Variants in TLK2 observed in about 807,000 individuals in gnomAD.
TLK2 encodes serine/threonine-protein kinase tousled-like 2.
Under a neutral mutation model 117.3 loss-of-function variants are expected in TLK2, and 6 were observed. The observed-to-expected ratio is 0.05, with a 90% CI of 0.03 to 0.10. The LOEUF (loss-of-function observed/expected upper bound fraction) is 0.10. Among genes scored for constraint, TLK2 ranks in the 10% least tolerant of loss-of-function variants. The probability of loss-of-function intolerance (pLI) is 1.00; values close to 1 mark genes in which losing one functional copy is unlikely to be tolerated. For synonymous variants in TLK2, 257 were observed against 316.7 expected, an observed-to-expected ratio of 0.81 and a Z score of 2.00; for missense variants, 299 against 901.2, an observed-to-expected ratio of 0.33 and a Z score of 8.56.
intron 8 of TLK2, 62 bp downstream of exon 8, chr17:62,552,459 C>G (rs1187405579): frequency 6.2e-7 from 1 of 1,607,884 alleles, no homozygotes. Context: ...AAGGGCTAAC[C>G]TGTGTAGTCT....
intron 10 of TLK2, among the ~76,000 whole-genome samples, chr17:62,563,053 T>G (rs1490628484): frequency 6.6e-6 from 1 of 152,210 alleles, no homozygotes; most frequent in Non-Finnish European, 1.5e-5. Context: ...ATCCTAGGTG[T>G]CTGTTAACAA....
intron 7 of TLK2, among the ~76,000 whole-genome samples, chr17:62,544,826 C>T (rs975296971): frequency 6.6e-6 from 1 of 152,178 alleles, no homozygotes; most frequent in Non-Finnish European, 1.5e-5. Flanking sequence ...TTAAGTCTTT[C>T]AATCCATGAA....
chr17:62,594,206 A>G (rs576929024), intron 16 of TLK2, among the ~76,000 whole-genome samples: 1 of 152,174 alleles, frequency 6.6e-6, no homozygotes, highest in South Asian at 2.1e-4. Context: ...TCAGGAGTTC[A>G]AGATCAACCT....
chr17:62,570,382 C>T (rs184750261), intron 11 of TLK2, among the ~76,000 whole-genome samples: 323 of 152,188 alleles, frequency 2.1e-3, no homozygotes, highest in Non-Finnish European at 3.9e-3. Context: ...GAAGGGCGAG[C>T]GCTCTCTAAA....
chr17:62,508,733 G>A (rs949695532), intron 2 of TLK2, among the ~76,000 whole-genome samples: 2 of 152,188 alleles, frequency 1.3e-5, no homozygotes, highest in African/African-American at 2.4e-5. Flanking sequence ...TTGGGAGGCC[G>A]AGGGCAGGCG....
intron 15 of TLK2, chr17:62,585,703 G>T (rs138071750): frequency 0.011 from 1,703 of 154,696 alleles, 35 homozygotes; most frequent in African/African-American, 0.039. Flanking sequence ...ATTGTGAGGG[G>T]TTATTTTCTC....
intron 21 of TLK2, among the ~76,000 whole-genome samples, chr17:62,609,357 A>G (rs2083559549): frequency 6.6e-6 from 1 of 152,154 alleles, no homozygotes; most frequent in African/African-American, 2.4e-5. Context: ...TGCTAGAATT[A>G]TAGGTATGAG....
At chr17:62,574,229 C>G in intron 12 of TLK2, 2 of 1,431,214 alleles carry the variant, frequency 1.4e-6, no homozygotes, top group Non-Finnish European at 1.8e-6. Context: ...TTCTTTCATT[C>G]TAGTGAGAAA....
chr17:62,500,541 A>G (rs187155120), intron 2 of TLK2, among the ~76,000 whole-genome samples: 19 of 152,358 alleles, frequency 1.2e-4, no homozygotes, highest in African/African-American at 3.6e-4. Context: ...GGAAATTACA[A>G]CATTGTTCCT....
upstream of TLK2, among the ~76,000 whole-genome samples, chr17:62,476,802 TC>T (rs1348617810): frequency 6.6e-6 from 1 of 151,486 alleles, no homozygotes. Context: ...TGTCATTTGG[TC>T]GAGTGCGGTG....
At chr17:62,487,362 G>A (rs893379281) in intron 2 of TLK2, among the ~76,000 whole-genome samples, 2 of 150,718 alleles carry the variant, frequency 1.3e-5, no homozygotes, top group Admixed American at 6.6e-5. Context: ...TAAGTTAACC[G>A]CCCTAGAAAG....
At chr17:62,540,354 A>G (rs1381277163) in intron 7 of TLK2, among the ~76,000 whole-genome samples, 2 of 130,024 alleles carry the variant, frequency 1.5e-5, no homozygotes, top group Non-Finnish European at 3.3e-5. Context: ...CCAAATCCAA[A>G]TCTATCAGTA....
intron 12 of TLK2, 148 bp from the exon 13 acceptor site, chr17:62,576,561 G>T (rs960597321): frequency 1.2e-4 from 73 of 606,178 alleles, no homozygotes; most frequent in Non-Finnish European, 1.2e-5. Flanking sequence ...GTTTTCTCTT[G>T]TCAGAGGACT....
chr17:62,544,881 T>G (rs913240615), intron 7 of TLK2, among the ~76,000 whole-genome samples: 1 of 152,228 alleles, frequency 6.6e-6, no homozygotes, highest in African/African-American at 2.4e-5. Context: ...TCAACAATGT[T>G]TTGCAACTTG....
intron 7 of TLK2, among the ~76,000 whole-genome samples, chr17:62,545,194 T>A (rs1167387753): frequency 6.6e-6 from 1 of 152,086 alleles, no homozygotes; most frequent in Non-Finnish European, 1.5e-5. Context: ...GCCCAACTAA[T>A]TTTTTTGTAT....
intron 8 of TLK2, 47 bp from the exon 9 acceptor site, chr17:62,553,616 A>G (rs1433238887): frequency 1.5e-6 from 2 of 1,306,150 alleles, no homozygotes; most frequent in Non-Finnish European, 2.2e-6. Flanking sequence ...GATGACATAT[A>G]ACATGTTGAG....
At chr17:62,579,843 G>A (rs948680290) in intron 14 of TLK2, among the ~76,000 whole-genome samples, 3 of 152,190 alleles carry the variant, frequency 2.0e-5, no homozygotes, top group South Asian at 2.1e-4. Context: ...CAGAAAAAAG[G>A]AGGAGGAGCA....
chr17:62,471,624 C>A (rs1329091341), intron 1 of TLK2, among the ~76,000 whole-genome samples: 8 of 136,168 alleles, frequency 5.9e-5, no homozygotes, highest in Admixed American at 4.6e-4. Context: ...GCTGGGCTAA[C>A]GAGCTGGCGG....
intron 10 of TLK2, among the ~76,000 whole-genome samples, chr17:62,563,155 C>T (rs1480573616): frequency 6.6e-6 from 1 of 152,172 alleles, no homozygotes; most frequent in African/African-American, 2.4e-5. Flanking sequence ...GAACAGCTTG[C>T]ATGAATCTAA....
Sources: gnomAD v4.1 joint callset for allele counts (sites outside exome capture counted in the v4.1 genomes callset) on GRCh38, gnomAD v4.1.1 for gene constraint, MANE v1.5 for transcripts, NCBI Gene and HGNC (gene_info 2026-07-23, HGNC 2026-07-21) for gene names.